ATP10D: variants seen among roughly 807,000 people sequenced by gnomAD.
The protein encoded by ATP10D is phospholipid-transporting ATPase VD.
A neutral mutation model predicts 144.8 loss-of-function variants in ATP10D; 89 were observed. That is an observed-to-expected ratio of 0.61 (90% CI 0.52 to 0.73). The LOEUF (loss-of-function observed/expected upper bound fraction) is 0.73, where lower values mean the gene tolerates loss of function less well. Among genes scored for constraint, ATP10D ranks in the 30% least tolerant of loss-of-function variants. The pLI is 0.00. For missense variants in ATP10D, 1,603 were observed against 1,714.8 expected (o/e 0.93, Z 1.15); for synonymous variants, 571 against 615.1 (o/e 0.93, Z 1.06).
intron 1 of ATP10D, among the ~76,000 whole-genome samples, chr4:47,505,899 G>A (rs1189573734): frequency 6.6e-6 from 1 of 152,048 alleles, no homozygotes. Context: ...GTTGGCTGGT[G>A]ATGACCTCAG....
At chr4:47,582,560 C>T (rs1720573207) in intron 21 of ATP10D, among the ~76,000 whole-genome samples, 1 of 152,094 alleles carries the variant, frequency 6.6e-6, no homozygotes, top group Non-Finnish European at 1.5e-5. Flanking sequence ...GTACTTCTCT[C>T]TTCAACCTCA....
At chr4:47,550,141 G>A (rs1718659728) in intron 10 of ATP10D, among the ~76,000 whole-genome samples, 2 of 152,046 alleles carry the variant, frequency 1.3e-5, no homozygotes, top group Non-Finnish European at 1.5e-5. Context: ...GGGGAGGAGT[G>A]AAGAACAGTA....
Position 47,494,266 on chromosome 4 carries a change from T to C in ATP10D, c.-38+8747T>C, listed in dbSNP as rs554569483. 3.9e-5 allele frequency among the ~76,000 whole-genome samples: 6 copies of C among 152,278 alleles called. No homozygotes were observed. The South Asian group carries it at 1.0e-3, about 26-fold the overall frequency. On this transcript the variant is annotated intron_variant, in intron 1 of 22. Coordinates refer to ENST00000273859, the MANE Select transcript of ATP10D (RefSeq NM_020453.4). Reference sequence around the variant, plus strand: ...TCTTGGCTGTATTTGGGGATAATGATTGAAAGAAGCAAATGTGAATCTTAT... The same window carrying C: ...TCTTGGCTGTATTTGGGGATAATGACTGAAAGAAGCAAATGTGAATCTTAT...
intron 15 of ATP10D, among the ~76,000 whole-genome samples, chr4:47,564,814 A>G (rs1325465351): frequency 6.6e-6 from 1 of 152,164 alleles, no homozygotes; most frequent in Non-Finnish European, 1.5e-5. Flanking sequence ...ACTTCCTCCC[A>G]TTCTTCTTCA....
intron 5 of ATP10D, among the ~76,000 whole-genome samples, chr4:47,535,288 T>A (rs1294885086): frequency 6.7e-6 from 1 of 149,636 alleles, no homozygotes; most frequent in Non-Finnish European, 1.5e-5. Flanking sequence ...ATAGTAAACC[T>A]GCACGTGTAC....
intron 1 of ATP10D, among the ~76,000 whole-genome samples, chr4:47,494,798 T>A (rs1383198396): frequency 6.6e-6 from 1 of 152,186 alleles, no homozygotes; most frequent in Non-Finnish European, 1.5e-5. Context: ...TACTTTCACA[T>A]CAAAAACTCT....
chr4:47,515,327 T>G (rs1025644928), intron 2 of ATP10D, 149 bp from the exon 3 acceptor site: 4 of 592,360 alleles, frequency 6.8e-6, no homozygotes, highest in Non-Finnish European at 1.2e-5. Flanking sequence ...AATAGTTCAT[T>G]AAGATTCATT....
At chr4:47,529,058 A>G (rs1403342627) in intron 5 of ATP10D, among the ~76,000 whole-genome samples, 1 of 152,102 alleles carries the variant, frequency 6.6e-6, no homozygotes, top group Non-Finnish European at 1.5e-5. Flanking sequence ...TTAGATACAT[A>G]GTTTGCAAAT....
chr4:47,522,855 C>T (rs1160816267), intron 3 of ATP10D, among the ~76,000 whole-genome samples, 157 bp from the exon 4 acceptor site: 2 of 152,218 alleles, frequency 1.3e-5, no homozygotes, highest in East Asian at 3.9e-4. Flanking sequence ...AGGCGTGAGC[C>T]AACTTGCCTG....
intron 1 of ATP10D, among the ~76,000 whole-genome samples, chr4:47,511,410 G>A (rs1376928162): frequency 6.6e-6 from 1 of 152,038 alleles, no homozygotes; most frequent in Non-Finnish European, 1.5e-5. Flanking sequence ...ATACTCAGAG[G>A]CTGTTGTTCT....
At chr4:47,556,757 T>G (rs1719011569) in intron 11 of ATP10D, 1 of 152,196 alleles carries the variant, frequency 6.6e-6, no homozygotes, top group Admixed American at 6.5e-5. Flanking sequence ...ACTTTTTCAT[T>G]TATTGAGCAT....
chr4:47,539,402 G>A (rs1718018208), intron 9 of ATP10D, among the ~76,000 whole-genome samples: 1 of 152,052 alleles, frequency 6.6e-6, no homozygotes, highest in Non-Finnish European at 1.5e-5. Context: ...TCATCTTATA[G>A]TAAAATTTAA....
rs200958893 is a variant in ATP10D at position 47,561,084 on chromosome 4, A to G, written c.2668+9A>G. 20 of 1,613,982 alleles carry G rather than the reference A, an allele frequency of 1.2e-5. No individual in the cohort carries two copies. The highest frequency in any genetic ancestry group is 1.7e-5 in the Non-Finnish European group (20 of 1,179,948). On this transcript the variant is annotated intron_variant, in intron 14 of 22. Transcript: ENST00000273859. ...CAAACTTACATTACTTGGTAGGTGA[A>G]TTATGTTTGTATTGCCTGAATGGAG...
chr4:47,584,113 T>TA (rs936948807), intron 21 of ATP10D, among the ~76,000 whole-genome samples: 1 of 152,150 alleles, frequency 6.6e-6, no homozygotes, highest in African/African-American at 2.4e-5. Context: ...GATGCATCAT[T>TA]AGAGAATTGT....
intron 5 of ATP10D, among the ~76,000 whole-genome samples, chr4:47,527,470 G>T (rs189969500): frequency 6.6e-6 from 1 of 152,034 alleles, no homozygotes; most frequent in African/African-American, 2.4e-5. Flanking sequence ...TTAAAATTTT[G>T]CTCCTCCAAT....
intron 9 of ATP10D, among the ~76,000 whole-genome samples, chr4:47,537,521 C>G (rs1020440433): frequency 2.6e-5 from 4 of 152,128 alleles, no homozygotes; most frequent in Middle Eastern, 6.8e-3. Context: ...AATTAAAAGC[C>G]CTACTCTCCC....
chr4:47,528,287 C>G (rs1717360574), intron 5 of ATP10D, among the ~76,000 whole-genome samples: 1 of 151,984 alleles, frequency 6.6e-6, no homozygotes, highest in Non-Finnish European at 1.5e-5. Flanking sequence ...CTATTATTTC[C>G]CTCCATGTGT....
chr4:47,542,227 G>T (rs1161488708), intron 9 of ATP10D, among the ~76,000 whole-genome samples: 2 of 151,960 alleles, frequency 1.3e-5, no homozygotes, highest in Admixed American at 1.3e-4. Flanking sequence ...CTCACAAGTA[G>T]TTGGGACTAT....
intron 1 of ATP10D, among the ~76,000 whole-genome samples, chr4:47,505,336 C>G (rs1715962997): frequency 6.6e-6 from 1 of 152,076 alleles, no homozygotes; most frequent in Admixed American, 6.6e-5. Context: ...GGGTGTGGTC[C>G]CCAGGACCAG....
Sources: allele counts gnomAD v4.1 joint callset (sites outside exome capture counted in the v4.1 genomes callset), GRCh38; gene constraint gnomAD v4.1.1; transcripts MANE v1.5; gene names NCBI Gene and HGNC (gene_info 2026-07-23, HGNC 2026-07-21).